NCAM1: variants seen among roughly 807,000 people sequenced by gnomAD.
NCAM1 encodes the protein neural cell adhesion molecule 1.
A neutral mutation model predicts 109.8 loss-of-function variants in NCAM1; 14 were observed. The ratio of observed to expected loss-of-function variants is 0.13; its 90% CI spans 0.08 to 0.20. The LOEUF (loss-of-function observed/expected upper bound fraction) is 0.20, where lower values mean the gene tolerates loss of function less well. NCAM1 is among the 10% of genes least tolerant of loss of function. NCAM1 has a pLI of 1.00. For missense variants in NCAM1, 774 were observed against 1,109.9 expected (o/e 0.70, Z 4.30); for synonymous variants, 418 against 442.9 (o/e 0.94, Z 0.70).
intron 1 of NCAM1, among the ~76,000 whole-genome samples, chr11:113,099,798 C>T (rs1555091186): frequency 2.0e-5 from 3 of 152,216 alleles, no homozygotes. Context: ...AAGCAATTCT[C>T]CTGCCTCAGC....
rs187109158 is a variant in NCAM1 at position 113,245,142 on chromosome 11, C to T, written c.1826-1226C>T. Among the ~76,000 whole-genome samples, 256 of 151,852 alleles carry T rather than the reference C, an allele frequency of 1.7e-3. 2 individuals are homozygous for T. The highest frequency in any genetic ancestry group is 0.01 in the Middle Eastern group (3 of 294). ...AATTTATGACTTATCAGTGCAACCA[C>T]GATTCTAAAGATATAACTTTAACCA... On this transcript the variant is annotated intron_variant, in intron 14 of 19. Coordinates refer to ENST00000316851, the MANE Select transcript of NCAM1 (RefSeq NM_181351.5).
At chr11:113,151,240 A>G (rs927911454) in intron 1 of NCAM1, among the ~76,000 whole-genome samples, 3 of 152,174 alleles carry the variant, frequency 2.0e-5, no homozygotes, top group Admixed American at 2.0e-4. Context: ...GCTGCAACCA[A>G]ATGGAAAGAA....
At chr11:113,040,678 A>G (rs932043680) in intron 1 of NCAM1, among the ~76,000 whole-genome samples, 32 of 152,246 alleles carry the variant, frequency 2.1e-4, no homozygotes, top group African/African-American at 7.2e-5. Context: ...TTGTGTATTT[A>G]GAAACCATCA....
intron 11 of NCAM1, 76 bp downstream of exon 11, chr11:113,232,430 G>T: frequency 7.1e-7 from 1 of 1,413,628 alleles, no homozygotes. Context: ...TGCAGCTCAA[G>T]TCCTCTCTCC....
chr11:113,175,442 A>T (rs782132877), intron 1 of NCAM1, among the ~76,000 whole-genome samples: 2 of 152,206 alleles, frequency 1.3e-5, no homozygotes, highest in Non-Finnish European at 2.9e-5. Flanking sequence ...TGATTTATTC[A>T]CCACTTATTT....
chr11:113,043,794 C>T (rs1953162424), intron 1 of NCAM1, among the ~76,000 whole-genome samples: 1 of 152,166 alleles, frequency 6.6e-6, no homozygotes, highest in African/African-American at 2.4e-5. Context: ...TCCTTACGCC[C>T]CAGTCATATC....
At chr11:113,214,029 C>T (rs1161023308) in intron 7 of NCAM1, among the ~76,000 whole-genome samples, 1 of 152,198 alleles carries the variant, frequency 6.6e-6, no homozygotes, top group Non-Finnish European at 1.5e-5. Context: ...CATCTCCACC[C>T]TAGAGTTCCA....
At position 113,277,849 on chromosome 11, in the gene NCAM1, T is replaced by TAAAAAAAAAAAAAAAA. The variant is rs56324717; in HGVS notation, c.*2474_*2489dup. 1.6e-5 allele frequency: 1 copy of TAAAAAAAAAAAAAAAA among 63,250 alleles called. No homozygotes were observed. Among genetic ancestry groups the TAAAAAAAAAAAAAAAA allele is most frequent in the Non-Finnish European group, 2.8e-5 (1 of 35,990 alleles). The allele number at this position is 63,250 out of a possible 1,614,324, so 3.9% of individuals were successfully genotyped here. A position where few individuals can be genotyped will look rare whatever the true frequency, so the allele number is the denominator to read the frequency against. On this transcript the variant is annotated 3_prime_UTR_variant, in exon 20 of 20. Transcript: ENST00000316851. ...TCTCAGCATGCAAGAGTTTTTCCTT[T>TAAAAAAAAAAAAAAAA]AAAAAAAAAAAAAAAAAAAAAAAAA...
intron 1 of NCAM1, among the ~76,000 whole-genome samples, chr11:113,044,231 G>C (rs975466813): frequency 6.6e-6 from 1 of 151,800 alleles, no homozygotes; most frequent in South Asian, 2.1e-4. Flanking sequence ...ACTTCTTCTG[G>C]GCATGGCAGC....
At chr11:113,093,320 A>G (rs782789693) in intron 1 of NCAM1, among the ~76,000 whole-genome samples, 1 of 152,234 alleles carries the variant, frequency 6.6e-6, no homozygotes, top group Non-Finnish European at 1.5e-5. Context: ...CATCTGGTTT[A>G]GTATAGACAA....
At chr11:113,091,944 C>T (rs1939362523) in intron 1 of NCAM1, among the ~76,000 whole-genome samples, 3 of 152,086 alleles carry the variant, frequency 2.0e-5, no homozygotes, top group Admixed American at 6.6e-5. Flanking sequence ...TTGGTGTCCT[C>T]CACCAATTCT....
At chr11:113,196,083 A>T (rs1357030852) in intron 1 of NCAM1, among the ~76,000 whole-genome samples, 1 of 152,164 alleles carries the variant, frequency 6.6e-6, no homozygotes, top group African/African-American at 2.4e-5. Flanking sequence ...ACAGATGAGG[A>T]ATACAGACTC....
chr11:113,003,530 G>A (rs1274614473), intron 1 of NCAM1, among the ~76,000 whole-genome samples: 4 of 152,176 alleles, frequency 2.6e-5, no homozygotes, highest in African/African-American at 9.7e-5. Flanking sequence ...TATCATTAGG[G>A]TGAAGAGTGG....
intron 1 of NCAM1, among the ~76,000 whole-genome samples, chr11:113,127,472 G>C (rs1251359568): frequency 6.6e-6 from 1 of 152,082 alleles, no homozygotes; most frequent in Non-Finnish European, 1.5e-5. Flanking sequence ...TGGTCTAATT[G>C]CTCCTGTAAA....
intron 1 of NCAM1, among the ~76,000 whole-genome samples, chr11:113,085,131 C>G (rs1939019694): frequency 6.6e-6 from 1 of 152,178 alleles, no homozygotes; most frequent in Admixed American, 6.5e-5. Context: ...CAAGGGAAAC[C>G]ATAGCATTTC....
At chr11:113,236,448 A>C in intron 14 of NCAM1, 1 of 928,146 alleles carries the variant, frequency 1.1e-6, no homozygotes. Flanking sequence ...GGCCCTAACC[A>C]CACTGACCTT....
rs1375328407 is a variant in NCAM1, at chr11:113,212,986, C to T, written c.917-1383C>T. On this transcript the variant is annotated intron_variant, in intron 7 of 19. Coordinates refer to ENST00000316851, the MANE Select transcript of NCAM1 (RefSeq NM_181351.5). ...ATCAAAAAAGGATTTGCTAAACAGGCTGTCAGTATGCATTACCTTTAGGCA... is the reference window on the plus strand; with the variant it reads ...ATCAAAAAAGGATTTGCTAAACAGGTTGTCAGTATGCATTACCTTTAGGCA... 2.6e-5 allele frequency among the ~76,000 whole-genome samples: 4 copies of T among 152,308 alleles called. No individual in the cohort carries two copies. The East Asian group carries it at 7.7e-4, about 29-fold the overall frequency.
intron 1 of NCAM1, among the ~76,000 whole-genome samples, chr11:113,035,400 G>A (rs1565396301): frequency 6.6e-6 from 1 of 152,172 alleles, no homozygotes; most frequent in Non-Finnish European, 1.5e-5. Flanking sequence ...TATTGAATGG[G>A]TGAGTAACTC....
intron 1 of NCAM1, among the ~76,000 whole-genome samples, chr11:113,088,253 A>G (rs1939177357): frequency 6.6e-6 from 1 of 152,240 alleles, no homozygotes; most frequent in East Asian, 1.9e-4. Flanking sequence ...AAATCACAGT[A>G]AAATCAGCAA....
Sources: gnomAD v4.1 joint callset for allele counts (sites outside exome capture counted in the v4.1 genomes callset) on GRCh38, gnomAD v4.1.1 for gene constraint, MANE v1.5 for transcripts, NCBI Gene and HGNC (gene_info 2026-07-23, HGNC 2026-07-21) for gene names.